The following MTMR2 variants were observed in gnomAD, a reference collection of about 807,000 sequenced individuals.
MTMR2 encodes myotubularin related protein 2.
In MTMR2, 55 loss-of-function variants were observed where a neutral mutation model predicts 86.9. The ratio of observed to expected loss-of-function variants is 0.63; its 90% CI spans 0.51 to 0.79. MTMR2 has a LOEUF of 0.79. Ranked by LOEUF, MTMR2 falls within the 30% of genes least tolerant of loss-of-function variation. MTMR2 has a pLI of 0.00. For missense variants in MTMR2, 659 were observed against 772.3 expected, an observed-to-expected ratio of 0.85 and a Z score of 1.74; for synonymous variants, 241 against 266.8, an observed-to-expected ratio of 0.90 and a Z score of 0.94.
intron 6 of MTMR2, among the ~76,000 whole-genome samples, chr11:95,858,271 A>G (rs1292208007): frequency 6.6e-6 from 1 of 152,178 alleles, no homozygotes; most frequent in Admixed American, 6.5e-5. Context: ...ACTTTTCATC[A>G]TGGAAACACC....
chr11:95,923,313 G>C (rs1192003024), intron 1 of MTMR2, among the ~76,000 whole-genome samples: 2 of 152,184 alleles, frequency 1.3e-5, no homozygotes, highest in African/African-American at 4.8e-5. Context: ...GAAAAGAGAA[G>C]CACAGGAGAC....
Position 95,861,975 on chromosome 11 carries a change from CATATT to C in MTMR2, c.468+12_468+16del, listed in dbSNP as rs764436441. The C allele has an allele frequency of 1.9e-6, 3 of 1,554,374 alleles. No individual in the cohort carries two copies. The highest frequency in any genetic ancestry group is 2.2e-5 in the South Asian group (2 of 89,546). ...TTTTCAAACCAAAGAAAATCACATA[CATATT>C]ATAACATTTACCTTACACACAGTTT... On this transcript the variant is annotated intron_variant, in intron 5 of 14. Coordinates refer to ENST00000346299, the MANE Select transcript of MTMR2 (RefSeq NM_016156.6).
intron 1 of MTMR2, among the ~76,000 whole-genome samples, chr11:95,920,825 AC>A (rs1371955302): frequency 1.3e-5 from 2 of 152,224 alleles, no homozygotes; most frequent in East Asian, 3.9e-4. Context: ...CTGGTCTCAA[AC>A]CCCTAGGCTC....
chr11:95,906,738 T>G (rs1866292144), intron 1 of MTMR2, among the ~76,000 whole-genome samples: 1 of 152,136 alleles, frequency 6.6e-6, no homozygotes, highest in African/African-American at 2.4e-5. Context: ...AGAAGATCAC[T>G]CAAAACCATA....
intron 1 of MTMR2, among the ~76,000 whole-genome samples, chr11:95,895,955 T>C (rs1865866954): frequency 6.6e-6 from 1 of 152,140 alleles, no homozygotes; most frequent in South Asian, 2.1e-4. Context: ...AGTGGCTCCC[T>C]ACTGCTCTCA....
At chr11:95,872,768 A>G (rs1864940802) in intron 2 of MTMR2, among the ~76,000 whole-genome samples, 1 of 152,128 alleles carries the variant, frequency 6.6e-6, no homozygotes, top group African/African-American at 2.4e-5. Flanking sequence ...GATAGCTCTT[A>G]TTATTTTGAG....
rs1590967661 is a variant in MTMR2 at position 95,835,273 on chromosome 11, C to T, written c.*17G>A. The T allele has an allele frequency of 1.9e-6, 3 of 1,612,002 alleles. No individual in the cohort carries two copies. The highest frequency in any genetic ancestry group is 1.3e-5 in the African/African-American group (1 of 74,910). On this transcript the variant is annotated 3_prime_UTR_variant, in exon 15 of 15. Transcript: ENST00000346299. ...ATCAAGAGTGTATAGCAATGATGCCCCTGATCTTACAGTCCTTTATACAAC... is the reference window on the plus strand; with the variant it reads ...ATCAAGAGTGTATAGCAATGATGCCTCTGATCTTACAGTCCTTTATACAAC...
At chr11:95,835,559 G>C in intron 14 of MTMR2, 108 bp from the exon 15 acceptor site, 4 of 1,106,006 alleles carry the variant, frequency 3.6e-6, no homozygotes, top group Non-Finnish European at 5.4e-6. Context: ...TGGAACCAAT[G>C]GCACCTTTCC....
intron 1 of MTMR2, among the ~76,000 whole-genome samples, chr11:95,921,749 C>T (rs546283396): frequency 1.9e-3 from 282 of 152,266 alleles, no homozygotes; most frequent in African/African-American, 6.3e-3. Context: ...TGAAAGCTGG[C>T]ATTCTCTTAT....
Position 95,836,232 on chromosome 11 carries a change from A to ATGAT in MTMR2, c.1682_1685dup (p.His562GlnfsTer43). 2 of 1,613,038 alleles carry ATGAT rather than the reference A, an allele frequency of 1.2e-6. No individual in the cohort carries two copies. The highest frequency in any genetic ancestry group is 1.7e-6 in the Non-Finnish European group (2 of 1,179,198). ...GCATGCTGGCTACTGGATAAAGGACATGATTGGAATAGCTCCCATAGAGAG... is the reference window on the plus strand; with the variant it reads ...GCATGCTGGCTACTGGATAAAGGACATGATTGATTGGAATAGCTCCCATAGAGAG... On this transcript the variant is annotated frameshift_variant, in exon 14 of 15. Coordinates refer to ENST00000346299, the MANE Select transcript of MTMR2 (RefSeq NM_016156.6). LOFTEE classifies it high-confidence loss of function.
chr11:95,869,098 C>T (rs1864751391), intron 2 of MTMR2, among the ~76,000 whole-genome samples: 1 of 152,046 alleles, frequency 6.6e-6, no homozygotes, highest in South Asian at 2.1e-4. Context: ...TCCACATTCA[C>T]TACCACCATA....
chr11:95,898,502 C>T (rs189540416), intron 1 of MTMR2, among the ~76,000 whole-genome samples: 4 of 151,768 alleles, frequency 2.6e-5, no homozygotes, highest in East Asian at 3.9e-4. Flanking sequence ...AACAGTGAGA[C>T]GCTGTCTCTA....
chr11:95,855,572 T>G (rs1864180551), intron 7 of MTMR2, among the ~76,000 whole-genome samples: 1 of 152,190 alleles, frequency 6.6e-6, no homozygotes, highest in Non-Finnish European at 1.5e-5. Context: ...TTTGAAGAGA[T>G]ATAGTCTAAT....
intron 2 of MTMR2, among the ~76,000 whole-genome samples, chr11:95,884,011 G>A (rs547505660): frequency 6.6e-6 from 1 of 152,182 alleles, no homozygotes; most frequent in Non-Finnish European, 1.5e-5. Flanking sequence ...AAGCAATGAG[G>A]CTATGTGAAG....
intron 2 of MTMR2, among the ~76,000 whole-genome samples, chr11:95,873,886 T>C (rs1457883813): frequency 6.6e-6 from 1 of 152,244 alleles, no homozygotes; most frequent in Non-Finnish European, 1.5e-5. Flanking sequence ...TTGTTCAGTT[T>C]CCATGTAGTT....
chr11:95,842,389 A>C (rs745473620), intron 11 of MTMR2, among the ~76,000 whole-genome samples: 2 of 152,164 alleles, frequency 1.3e-5, no homozygotes, highest in Non-Finnish European at 2.9e-5. Flanking sequence ...TTCTCTGTTC[A>C]TATCTTGACC....
chr11:95,882,155 A>C (rs555936063), intron 2 of MTMR2, among the ~76,000 whole-genome samples: 5 of 152,092 alleles, frequency 3.3e-5, no homozygotes, highest in Admixed American at 1.3e-4. Context: ...TTCTAAATAG[A>C]TCTGCATATT....
intron 1 of MTMR2, among the ~76,000 whole-genome samples, chr11:95,923,077 C>G (rs1272742486): frequency 2.0e-5 from 3 of 152,082 alleles, no homozygotes; most frequent in Non-Finnish European, 4.4e-5. Context: ...AAGACTGCAT[C>G]CAAAACGCGT....
chr11:95,885,024 G>T (rs1384475907), intron 2 of MTMR2, among the ~76,000 whole-genome samples: 5 of 151,966 alleles, frequency 3.3e-5, no homozygotes, highest in Admixed American at 6.6e-5. Context: ...TTCTGTGAGG[G>T]TCTTCCTAAG....
Sources: gnomAD v4.1 joint callset for allele counts (sites outside exome capture counted in the v4.1 genomes callset) on GRCh38, gnomAD v4.1.1 for gene constraint, MANE v1.5 for transcripts, NCBI Gene and HGNC (gene_info 2026-07-23, HGNC 2026-07-21) for gene names.